DGCR8: variants seen among roughly 807,000 people sequenced by gnomAD.
DGCR8 encodes the protein microprocessor complex subunit DGCR8.
DGCR8 carries 14 observed loss-of-function variants against 78.5 expected under a neutral mutation model. The ratio of observed to expected loss-of-function variants is 0.18; its 90% CI spans 0.12 to 0.28. DGCR8 has a LOEUF of 0.28. Ranked by LOEUF, DGCR8 falls within the 10% of genes least tolerant of loss-of-function variation. The pLI is 1.00. For synonymous variants in DGCR8, 399 were observed against 402.4 expected, an observed-to-expected ratio of 0.99 and a Z score of 0.10; for missense variants, 702 against 1,022.5, an observed-to-expected ratio of 0.69 and a Z score of 4.28.
intron 7 of DGCR8, 51 bp downstream of exon 7, chr22:20,092,021 T>C: frequency 6.7e-7 from 1 of 1,487,246 alleles, no homozygotes; most frequent in Non-Finnish European, 9.3e-7. Flanking sequence ...AGGTGTAACT[T>C]TGGTCAGGGC....
rs1321625505 is a variant in DGCR8 at position 20,086,148 on chromosome 22, C to T, written c.185C>T (p.Pro62Leu). 6.2e-7 allele frequency: 1 copy of T among 1,614,178 alleles called. No individual in the cohort carries two copies. Among genetic ancestry groups the T allele is most frequent in the Non-Finnish European group, 8.5e-7 (1 of 1,180,030 alleles). ...GSGGDGQSEL[P>L]AEDPFNFYGA... is the part of the protein sequence containing the mutation. ...GGTGGTGATGGACAGTCCGAACTCC[C>T]TGCTGAGGACCCCTTCAACTTCTAC... Residue 62 changes from proline to leucine, a missense_variant, in exon 2 of 14, where the codon CCT becomes CTT. By Grantham distance (98) the Pro-to-Leu change is moderately conservative. Around this residue, in one of 4 missense-constraint regions of DGCR8, gnomAD observed 356 missense variants for 448.9 expected, o/e 0.79. Coordinates refer to ENST00000351989, the MANE Select transcript of DGCR8 (RefSeq NM_022720.7). The surrounding 1 kb of genome is among the most constrained non-coding windows in gnomAD (Gnocchi z 6.4).
In DGCR8 at chr22:20,086,537, A is replaced by G; in HGVS notation, c.574A>G (p.Lys192Glu). 6.2e-7 allele frequency: 1 copy of G among 1,614,032 alleles called. No homozygotes were observed. Among genetic ancestry groups the G allele is most frequent in the East Asian group, 2.2e-5 (1 of 44,872 alleles). The stretch of plus-strand genomic sequence containing the variant: ...TGAGGAGAATGAGCTGGATCAGGAA[A>G]AGAGAGTGGAGTATGCAGTGCTCGA... ...KDEENELDQE[K>E]RVEYAVLDEL... is the part of the protein sequence containing the mutation. The change falls in exon 2 of 14, where the codon AAG becomes GAG. Residue 192 changes from lysine to glutamate, a missense_variant. Lys to Glu is a moderately conservative substitution (Grantham distance 56, BLOSUM62 1). This residue lies in a region of DGCR8 where 356 missense variants were observed against 448.9 expected (regional missense o/e 0.79). Transcript: ENST00000351989. This position sits in a 1 kb window ranked among gnomAD's most constrained non-coding sequence, Gnocchi z 6.4.
chr22:20,107,627 C>A, intron 12 of DGCR8: 1 of 557,368 alleles, frequency 1.8e-6, no homozygotes, highest in Non-Finnish European at 3.2e-6. Flanking sequence ...ATTGGGAACG[C>A]AGGCTGGGCC....
Position 20,090,319 on chromosome 22 carries a change from A to G in DGCR8, c.1306+61A>G, listed in dbSNP as rs765059553. ...TGGGACCCATGAGCTTTGTTTTTCT[A>G]ATGAAGGCCATAATTGTTCATAGTT... On this transcript the variant is annotated intron_variant, in intron 5 of 13. Coordinates refer to ENST00000351989, the MANE Select transcript of DGCR8 (RefSeq NM_022720.7). 44 of 1,514,436 alleles carry G rather than the reference A, an allele frequency of 2.9e-5. No individual in the cohort carries two copies. The Admixed American group carries it at 6.0e-4, about 21-fold the overall frequency. The allele number at this position is 1,514,436 out of a possible 1,614,324, so 93.8% of individuals were successfully genotyped here.
At chr22:20,080,884 G>C (rs2269723) in intron 1 of DGCR8, among the ~76,000 whole-genome samples, 6,333 of 152,346 alleles carry the variant, frequency 0.042, 210 homozygotes, top group East Asian at 0.092. Flanking sequence ...AGTGATGCCT[G>C]TCTGGTGTCA....
rs765067534 is a variant in DGCR8 at position 20,091,437 on chromosome 22, C to G, written c.1309C>G (p.Leu437Val). 5.0e-6 allele frequency: 8 copies of G among 1,614,096 alleles called. No homozygotes were observed. In the Admixed American group the frequency reaches 8.3e-5, roughly 17 times the overall value. ...VEVCKDESVDLEEFRSYLEKR... is the reference protein window; with the variant it reads ...VEVCKDESVDVEEFRSYLEKR... ...TTTCTCTGGTAAATCTGGGACAGAT[C>G]TCGAGGAATTTCGAAGCTACCTGGA... is the stretch of plus-strand genomic sequence containing the variant. The change falls in exon 6 of 14, where the codon CTC (leucine) becomes GTC (valine). Residue 437 changes from leucine to valine, a missense_variant and splice_region_variant. This residue lies in a region of DGCR8 where 119 missense variants were observed against 126.1 expected (regional missense o/e 0.94). Coordinates refer to ENST00000351989, the MANE Select transcript of DGCR8 (RefSeq NM_022720.7).
At chr22:20,084,457 G>A (rs2049455161) in intron 1 of DGCR8, among the ~76,000 whole-genome samples, 1 of 152,160 alleles carries the variant, frequency 6.6e-6, no homozygotes, top group African/African-American at 2.4e-5. Context: ...GCTTCATGTT[G>A]TCCCTTTCTT....
Position 20,110,379 on chromosome 22 carries a change from A to G in DGCR8, c.*271A>G. ...CCAGTGGCAGCTGGTGACTGTGGACAGTGGTGGACCCTGCTTCTGTGCACC... is the reference window on the plus strand; with the variant it reads ...CCAGTGGCAGCTGGTGACTGTGGACGGTGGTGGACCCTGCTTCTGTGCACC... On this transcript the variant is annotated 3_prime_UTR_variant, in exon 14 of 14. Coordinates refer to ENST00000351989, the MANE Select transcript of DGCR8 (RefSeq NM_022720.7). 1 of 460,324 alleles carries G rather than the reference A, an allele frequency of 2.2e-6. No individual in the cohort carries two copies. The allele number at this position is 460,324 out of a possible 1,614,324, so 28.5% of individuals were successfully genotyped here.
At chr22:20,098,508 G>T (rs1358827762) in intron 9 of DGCR8, among the ~76,000 whole-genome samples, 2 of 152,130 alleles carry the variant, frequency 1.3e-5, no homozygotes, top group East Asian at 3.9e-4. Flanking sequence ...GGCAACTCTG[G>T]AAATCACATT....
Position 20,080,318 on chromosome 22 carries a change from G to C in DGCR8, c.-343G>C. On this transcript the variant is annotated 5_prime_UTR_variant, in exon 1 of 14. Transcript: ENST00000351989. ...GGCTTTCCAGATGGCTGCGGCGGTC[G>C]GTCGGTGAGGCTTTCCCGGCTGTGG... 1 of 981,020 alleles carries C rather than the reference G, an allele frequency of 1.0e-6. No homozygotes were observed. The highest frequency in any genetic ancestry group is 1.2e-6 in the Non-Finnish European group (1 of 828,210). 60.8% of individuals were successfully genotyped at this position (981,020 alleles called of 1,614,324 possible). A position where few individuals can be genotyped will look rare whatever the true frequency, so the allele number is the denominator to read the frequency against.
intron 9 of DGCR8, chr22:20,101,079 C>T (rs918046331): frequency 3.6e-6 from 2 of 549,550 alleles, no homozygotes; most frequent in Non-Finnish European, 4.6e-6. Context: ...CCACCCTGGC[C>T]ACCTCCTCAG....
rs1476851339 is a variant in DGCR8, at chr22:20,106,157, G to A, written c.1789-20G>A. 2 of 1,609,110 alleles carry A rather than the reference G, an allele frequency of 1.2e-6. No homozygotes were observed. Among genetic ancestry groups the A allele is most frequent in the South Asian group, 1.1e-5 (1 of 90,972 alleles). ...CGGTGGGCCTGGTGGGGACTCACAA[G>A]CCTCTGCTTTGTGTTGTAGTATTTT... On this transcript the variant is annotated intron_variant, in intron 9 of 13. Coordinates refer to ENST00000351989, the MANE Select transcript of DGCR8 (RefSeq NM_022720.7).
rs2049524436 is a variant in DGCR8 at position 20,089,195 on chromosome 22, A to T, written c.881-474A>T. ...GTGTATTAAACCAACTTAGAAACGG[A>T]ATCATTTGAAGCAGTGTTTTGTATG... On this transcript the variant is annotated intron_variant, in intron 3 of 13. Transcript: ENST00000351989. This position sits in a 1 kb window ranked among gnomAD's most constrained non-coding sequence, Gnocchi z 4.9. Among the ~76,000 whole-genome samples, 1 of 152,262 alleles carries T rather than the reference A, an allele frequency of 6.6e-6. No individual in the cohort carries two copies. The highest frequency in any genetic ancestry group is 6.5e-5 in the Admixed American group (1 of 15,290).
In DGCR8 at chr22:20,087,460, T is replaced by C. The variant is rs2049500198; in HGVS notation, c.880+139T>C. On this transcript the variant is annotated intron_variant, in intron 3 of 13. Transcript: ENST00000351989. This position sits in a 1 kb window ranked among gnomAD's most constrained non-coding sequence, Gnocchi z 4.1. ...CATGTTTGAGGACAGGACAGAAATA[T>C]CTGAGGAGGGAAACACAGGATGGGA... is the stretch of plus-strand genomic sequence containing the variant. 1 of 993,242 alleles carries C rather than the reference T, an allele frequency of 1.0e-6. No homozygotes were observed. Among genetic ancestry groups the C allele is most frequent in the Non-Finnish European group, 1.4e-6 (1 of 693,178 alleles). The allele number at this position is 993,242 out of a possible 1,614,324, so 61.5% of individuals were successfully genotyped here.
At chr22:20,107,233 T>C in intron 11 of DGCR8, 38 bp from the exon 12 acceptor site, 3 of 1,613,808 alleles carry the variant, frequency 1.9e-6, no homozygotes, top group Non-Finnish European at 2.5e-6. Context: ...ACTGGGTGTT[T>C]GTGACCCCCT....
chr22:20,084,226 A>T (rs1160515136), intron 1 of DGCR8, among the ~76,000 whole-genome samples: 1 of 152,152 alleles, frequency 6.6e-6, no homozygotes, highest in Non-Finnish European at 1.5e-5. Context: ...GTCCCTTGTT[A>T]AATGTGTGAT....
chr22:20,098,203 C>T (rs905545636), intron 9 of DGCR8, among the ~76,000 whole-genome samples: 2 of 151,690 alleles, frequency 1.3e-5, no homozygotes, highest in Non-Finnish European at 2.9e-5. Flanking sequence ...ATTGCTCAGG[C>T]TGGTCTCGAA....
chr22:20,097,737 T>G (rs2049644932), intron 9 of DGCR8, among the ~76,000 whole-genome samples: 1 of 151,962 alleles, frequency 6.6e-6, no homozygotes, highest in African/African-American at 2.4e-5. Flanking sequence ...GGTAAACCCC[T>G]CTAGTGACTG....
At chr22:20,082,745 C>T (rs888242477) in intron 1 of DGCR8, among the ~76,000 whole-genome samples, 1 of 151,958 alleles carries the variant, frequency 6.6e-6, no homozygotes, top group African/African-American at 2.4e-5. Flanking sequence ...GCTTGTAAAG[C>T]AGCTCCATCA....
Sources: gnomAD v4.1 joint callset for allele counts (sites outside exome capture counted in the v4.1 genomes callset) on GRCh38, gnomAD v4.1.1 for gene constraint, gnomAD v4.1.1 regional missense constraint, Gnocchi (gnomAD v3.1) non-coding constraint, MANE v1.5 for transcripts, NCBI Gene and HGNC (gene_info 2026-07-23, HGNC 2026-07-21) for gene names.